The following EPHB1 variants were observed in gnomAD, a reference collection of about 807,000 sequenced individuals.
EPHB1 encodes ephrin type-B receptor 1.
In EPHB1, 30 loss-of-function variants were observed where a neutral mutation model predicts 94.4. That is an observed-to-expected ratio of 0.32 (90% confidence interval 0.24 to 0.43). The LOEUF (loss-of-function observed/expected upper bound fraction) is 0.43, where lower values mean the gene tolerates loss of function less well. Among genes scored for constraint, EPHB1 ranks in the 20% least tolerant of loss-of-function variants. EPHB1 has a pLI of 1.00. For missense variants in EPHB1, 1,055 were observed against 1,308.3 expected (o/e 0.81, Z 2.99); for synonymous variants, 522 against 489.1 (o/e 1.07, Z -0.89).
At chr3:134,963,466 C>T (rs1224020060) in intron 3 of EPHB1, among the ~76,000 whole-genome samples, 1 of 152,118 alleles carries the variant, frequency 6.6e-6, no homozygotes, top group Non-Finnish European at 1.5e-5. Flanking sequence ...GTATGGAGCA[C>T]ACTTCTGGAT....
At chr3:135,182,565 A>T (rs574481437) in intron 10 of EPHB1, among the ~76,000 whole-genome samples, 1 of 152,330 alleles carries the variant, frequency 6.6e-6, no homozygotes, top group Non-Finnish European at 1.5e-5. Context: ...CCACACAGGC[A>T]TGTATTATGC....
chr3:135,253,607 T>A (rs1933228903), intron 15 of EPHB1, among the ~76,000 whole-genome samples: 1 of 149,402 alleles, frequency 6.7e-6, no homozygotes, highest in South Asian at 2.2e-4. Context: ...GCTGTTTTGG[T>A]TACTGTAGCC....
chr3:135,161,413 A>G (rs969039714), intron 6 of EPHB1, among the ~76,000 whole-genome samples: 1 of 152,182 alleles, frequency 6.6e-6, no homozygotes, highest in African/African-American at 2.4e-5. Context: ...GACACAGGGC[A>G]AGGTGAGGGC....
At chr3:135,226,578 G>A (rs1943408722) in intron 12 of EPHB1, among the ~76,000 whole-genome samples, 1 of 151,978 alleles carries the variant, frequency 6.6e-6, no homozygotes, top group Non-Finnish European at 1.5e-5. Context: ...CCCTGAATTC[G>A]ACTCTTTCCC....
intron 12 of EPHB1, among the ~76,000 whole-genome samples, chr3:135,216,581 A>G (rs1943152167): frequency 6.6e-6 from 1 of 151,726 alleles, no homozygotes; most frequent in African/African-American, 2.4e-5. Context: ...AAATTAGCCA[A>G]GTGTACTGGC....
At chr3:135,082,139 A>G (rs1039536562) in intron 3 of EPHB1, among the ~76,000 whole-genome samples, 1 of 152,104 alleles carries the variant, frequency 6.6e-6, no homozygotes, top group Non-Finnish European at 1.5e-5. Flanking sequence ...CTGATAGAAG[A>G]GACTGGGGAA....
chr3:135,019,474 ATT>A (rs942114034), intron 3 of EPHB1, among the ~76,000 whole-genome samples: 4 of 152,192 alleles, frequency 2.6e-5, no homozygotes, highest in Admixed American at 2.6e-4. Flanking sequence ...GAAAAATGAC[ATT>A]TTCTTTTCTA....
At position 134,925,874 on chromosome 3, in the gene EPHB1, G is replaced by T; in HGVS notation, c.117G>T (p.Ala39=). The T allele has an allele frequency of 6.2e-7, 1 of 1,602,852 alleles. No individual in the cohort carries two copies. Among genetic ancestry groups the T allele is most frequent in the South Asian group, 1.1e-5 (1 of 88,944 alleles). The part of the protein sequence containing the change: ...TAELGWTANP[A]SGWEEVSGYD... ...AGCTGGGCTGGACGGCCAATCCTGC[G>T]TCCGGGGTGAGTATCAAACCATTCG... Residue 39 remains alanine, a synonymous_variant, in exon 2 of 16, where the codon GCG becomes GCT. Coordinates refer to ENST00000398015, the MANE Select transcript of EPHB1 (RefSeq NM_004441.5).
chr3:135,007,164 G>A (rs1935447887), intron 3 of EPHB1, among the ~76,000 whole-genome samples: 1 of 152,130 alleles, frequency 6.6e-6, no homozygotes. Flanking sequence ...GTGATTCATA[G>A]GACCATGGAA....
intron 3 of EPHB1, among the ~76,000 whole-genome samples, chr3:134,966,070 T>C (rs144386382): frequency 9.2e-5 from 14 of 152,342 alleles, no homozygotes; most frequent in African/African-American, 3.1e-4. Flanking sequence ...AACACTGCAC[T>C]GGGTACACAG....
intron 3 of EPHB1, among the ~76,000 whole-genome samples, chr3:134,955,103 T>TTTTTTTTTTTTTA (rs1559770507): frequency 6.7e-5 from 3 of 44,510 alleles, no homozygotes; most frequent in Non-Finnish European, 1.2e-4. Context: ...TTTTTTTTTT[T>TTTTTTTTTTTTTA]AATTTTTTTT....
chr3:135,205,372 A>C (rs762942965), intron 12 of EPHB1, among the ~76,000 whole-genome samples: 2 of 152,210 alleles, frequency 1.3e-5, no homozygotes, highest in South Asian at 4.2e-4. Context: ...GTGTGATACA[A>C]TTTATCTTTT....
intron 3 of EPHB1, among the ~76,000 whole-genome samples, chr3:135,041,744 T>A (rs996412123): frequency 2.6e-5 from 4 of 152,188 alleles, no homozygotes; most frequent in Non-Finnish European, 5.9e-5. Context: ...CTGTGTAATT[T>A]ATAATAAACA....
intron 12 of EPHB1, among the ~76,000 whole-genome samples, chr3:135,234,182 C>T (rs1029413577): frequency 2.6e-5 from 4 of 152,146 alleles, no homozygotes; most frequent in Admixed American, 6.5e-5. Context: ...AATACTTTGC[C>T]GCTTAGAAAT....
chr3:135,054,038 T>TACAC (rs113249083), intron 3 of EPHB1, among the ~76,000 whole-genome samples: 358 of 107,554 alleles, frequency 3.3e-3, no homozygotes, highest in South Asian at 0.015. Flanking sequence ...TATATATATA[T>TACAC]ATACACACAC....
At chr3:135,199,861 T>A (rs1272611334) in intron 11 of EPHB1, among the ~76,000 whole-genome samples, 1 of 152,240 alleles carries the variant, frequency 6.6e-6, no homozygotes, top group East Asian at 1.9e-4. Flanking sequence ...TATTTTTGCA[T>A]AGAAAATGCT....
At chr3:134,886,731 C>T (rs1413005937) in intron 1 of EPHB1, among the ~76,000 whole-genome samples, 4 of 152,036 alleles carry the variant, frequency 2.6e-5, no homozygotes, top group African/African-American at 7.2e-5. Flanking sequence ...ATCCTAAGCT[C>T]ACAGCAACCC....
At chr3:135,201,845 G>A (rs147614886) in intron 12 of EPHB1, among the ~76,000 whole-genome samples, 156 bp downstream of exon 12, 56 of 152,280 alleles carry the variant, frequency 3.7e-4, no homozygotes, top group Non-Finnish European at 6.8e-4. Context: ...ATCCAGCTGG[G>A]AGAAGCCATA....
intron 3 of EPHB1, among the ~76,000 whole-genome samples, chr3:135,091,528 A>C (rs967868328): frequency 6.6e-6 from 1 of 152,168 alleles, no homozygotes. Context: ...TAGTGACAGT[A>C]TCTGTGCTGG....
Sources: allele counts gnomAD v4.1 joint callset (sites outside exome capture counted in the v4.1 genomes callset), GRCh38; gene constraint gnomAD v4.1.1; transcripts MANE v1.5; gene names NCBI Gene and HGNC (gene_info 2026-07-23, HGNC 2026-07-21).